The following TENM4 variants were observed in gnomAD, a reference collection of about 807,000 sequenced individuals.
The protein encoded by TENM4 is teneurin transmembrane protein 4.
In TENM4, 82 loss-of-function variants were observed where a neutral mutation model predicts 243.3. That is an observed-to-expected ratio of 0.34 (90% CI 0.28 to 0.40). TENM4 has a LOEUF of 0.40. Ranked by LOEUF, TENM4 falls within the 10% of genes least tolerant of loss-of-function variation. TENM4 has a pLI of 1.00. For missense variants in TENM4, 3,138 were observed against 3,673.3 expected (o/e 0.85, Z 3.77); for synonymous variants, 1,412 against 1,456.3 (o/e 0.97, Z 0.69).
intron 27 of TENM4, among the ~76,000 whole-genome samples, chr11:78,704,165 A>G (rs1384150034): frequency 1.1e-4 from 9 of 82,032 alleles, no homozygotes; most frequent in African/African-American, 3.9e-4. Flanking sequence ...GTGTCTATAT[A>G]TATATATATA....
At chr11:79,432,845 T>A (rs1443051396) in intron 1 of TENM4, among the ~76,000 whole-genome samples, 2 of 152,172 alleles carry the variant, frequency 1.3e-5, no homozygotes, top group Non-Finnish European at 2.9e-5. Flanking sequence ...AAACAAGGAT[T>A]TAGGAGCCAG....
At chr11:79,132,169 T>C (rs569605090) in intron 4 of TENM4, among the ~76,000 whole-genome samples, 3 of 151,044 alleles carry the variant, frequency 2.0e-5, no homozygotes, top group East Asian at 3.9e-4. Flanking sequence ...AGTGAAACCC[T>C]GTCTCTACTA....
At chr11:78,907,469 G>A (rs1198406652) in intron 6 of TENM4, among the ~76,000 whole-genome samples, 11 of 152,146 alleles carry the variant, frequency 7.2e-5, no homozygotes, top group Admixed American at 5.2e-4. Flanking sequence ...GCCTAAGAGA[G>A]AACTCTCTTA....
rs1011612545 is a variant in TENM4 at position 78,670,569 on chromosome 11, C to T, written c.5794-18G>A. The T allele has an allele frequency of 2.3e-5, 36 of 1,584,862 alleles. No homozygotes were observed. The highest frequency in any genetic ancestry group is 3.0e-5 in the Non-Finnish European group (35 of 1,164,768). On this transcript the variant is annotated intron_variant, in intron 31 of 33. Coordinates refer to ENST00000278550, the MANE Select transcript of TENM4 (RefSeq NM_001098816.3). ...ACCATGGACTGGAGGGAGAGGAAAA[C>T]CAAGAGATGAGAGGAGGGTGGTGAG... is the stretch of plus-strand genomic sequence containing the variant.
intron 6 of TENM4, among the ~76,000 whole-genome samples, chr11:78,990,440 C>T (rs964826674): frequency 3.9e-5 from 6 of 152,050 alleles, no homozygotes; most frequent in Non-Finnish European, 7.4e-5. Context: ...TCCATGGCAG[C>T]GCTGTTTGAA....
At chr11:79,141,109 A>C (rs940048527) in intron 4 of TENM4, among the ~76,000 whole-genome samples, 6 of 152,028 alleles carry the variant, frequency 3.9e-5, no homozygotes, top group Admixed American at 3.3e-4. Flanking sequence ...AGACCTAGAG[A>C]CTTCTTCCTA....
At chr11:78,904,156 C>T (rs369297871) in intron 6 of TENM4, among the ~76,000 whole-genome samples, 45 of 151,860 alleles carry the variant, frequency 3.0e-4, no homozygotes, top group African/African-American at 1.0e-3. Context: ...GTCAGGAGAT[C>T]GAGACCATCC....
intron 7 of TENM4, among the ~76,000 whole-genome samples, chr11:78,894,606 A>C (rs947314422): frequency 3.3e-5 from 5 of 151,992 alleles, no homozygotes; most frequent in African/African-American, 1.2e-4. Flanking sequence ...AGGGTGCCCC[A>C]GTCTCCTGAA....
At chr11:78,817,435 C>T (rs117606341) in intron 12 of TENM4, among the ~76,000 whole-genome samples, 51 of 152,276 alleles carry the variant, frequency 3.3e-4, no homozygotes, top group African/African-American at 1.2e-3. Context: ...TAATCCAACA[C>T]GTGGCCTCGT....
At chr11:78,771,745 C>T (rs969673701) in intron 17 of TENM4, among the ~76,000 whole-genome samples, 1 of 152,162 alleles carries the variant, frequency 6.6e-6, no homozygotes. Flanking sequence ...TTCTTAACAT[C>T]TTGTCTACAG....
At chr11:78,704,607 GCACAGTGGGATAC>G (rs1859198928) in intron 27 of TENM4, among the ~76,000 whole-genome samples, 1 of 152,150 alleles carries the variant, frequency 6.6e-6, no homozygotes, top group African/African-American at 2.4e-5. Context: ...AGAACTGTAA[GCACAGTGGGATAC>G]CAATTGGGGA....
At chr11:79,271,032 G>A (rs904946435) in intron 2 of TENM4, among the ~76,000 whole-genome samples, 4 of 152,134 alleles carry the variant, frequency 2.6e-5, no homozygotes, top group African/African-American at 9.7e-5. Context: ...AGGTCATTGA[G>A]TTTGTCTGCT....
intron 1 of TENM4, among the ~76,000 whole-genome samples, chr11:79,397,355 G>A (rs1034990671): frequency 4.6e-5 from 7 of 152,278 alleles, no homozygotes; most frequent in African/African-American, 1.4e-4. Context: ...CTGAGTAACT[G>A]GAACAAAGCT....
chr11:79,188,337 A>G (rs1863414008), intron 3 of TENM4, among the ~76,000 whole-genome samples: 1 of 152,160 alleles, frequency 6.6e-6, no homozygotes, highest in Admixed American at 6.5e-5. Flanking sequence ...GGCAAAACAC[A>G]TTCATGGCCA....
At chr11:79,103,309 T>C (rs979548161) in intron 4 of TENM4, among the ~76,000 whole-genome samples, 1 of 152,122 alleles carries the variant, frequency 6.6e-6, no homozygotes, top group African/African-American at 2.4e-5. Context: ...TAAAATAATG[T>C]TGTATGATTA....
At chr11:79,098,864 G>A (rs2137072732) in intron 4 of TENM4, among the ~76,000 whole-genome samples, 1 of 152,270 alleles carries the variant, frequency 6.6e-6, no homozygotes, top group East Asian at 1.9e-4. Context: ...ACCTGAATTG[G>A]AATCCCAGCT....
chr11:78,889,339 A>T (rs747441756), intron 9 of TENM4, among the ~76,000 whole-genome samples: 1 of 152,118 alleles, frequency 6.6e-6, no homozygotes, highest in Non-Finnish European at 1.5e-5. Context: ...TTTCCCTCCA[A>T]GCCCAGGGTG....
intron 20 of TENM4, among the ~76,000 whole-genome samples, chr11:78,737,286 GAACAGTGGCCTGGCC>G (rs796590166): frequency 9.2e-5 from 14 of 152,326 alleles, no homozygotes; most frequent in African/African-American, 3.4e-4. Context: ...ATAGGGTAGG[GAACAGTGGCCTGGCC>G]TGGCCAGTTT....
chr11:79,084,574 TTATGC>T (rs1305505519), intron 4 of TENM4, among the ~76,000 whole-genome samples: 1 of 152,178 alleles, frequency 6.6e-6, no homozygotes, highest in Non-Finnish European at 1.5e-5. Flanking sequence ...CACCAGGGAA[TTATGC>T]TGAGTCAACA....
Sources: allele counts gnomAD v4.1 joint callset (sites outside exome capture counted in the v4.1 genomes callset), GRCh38; gene constraint gnomAD v4.1.1; transcripts MANE v1.5; gene names NCBI Gene and HGNC (gene_info 2026-07-23, HGNC 2026-07-21).